Variants in SENP7 observed in about 807,000 individuals in gnomAD.
SENP7 encodes the protein SUMO specific peptidase 7.
Under a neutral mutation model 141.2 loss-of-function variants are expected in SENP7, and 64 were observed. That is an observed-to-expected ratio of 0.45 (90% CI 0.37 to 0.56). The LOEUF is 0.56. Among genes scored for constraint, SENP7 ranks in the 20% least tolerant of loss-of-function variants. The probability of loss-of-function intolerance (pLI) is 0.00; values close to 1 mark genes in which losing one functional copy is unlikely to be tolerated. For synonymous variants in SENP7, 382 were observed against 426.4 expected (o/e 0.90, Z 1.28); for missense variants, 1,025 against 1,212.2 (o/e 0.85, Z 2.29).
intron 12 of SENP7, among the ~76,000 whole-genome samples, chr3:101,350,781 A>C (rs2059593771): frequency 6.6e-6 from 1 of 151,994 alleles, no homozygotes; most frequent in Non-Finnish European, 1.5e-5. Context: ...TCTTCTACAG[A>C]ACAAATATTA....
intron 16 of SENP7, among the ~76,000 whole-genome samples, chr3:101,337,911 T>C (rs1180728175): frequency 6.6e-6 from 1 of 151,978 alleles, no homozygotes; most frequent in Non-Finnish European, 1.5e-5. Context: ...TCCAAGCACT[T>C]TGGGAGGCCG....
chr3:101,510,496 C>T (rs1438667797), intron 1 of SENP7, among the ~76,000 whole-genome samples: 1 of 152,148 alleles, frequency 6.6e-6, no homozygotes, highest in Non-Finnish European at 1.5e-5. Context: ...CTTCCTTCTA[C>T]CTCTTCTTCC....
chr3:101,477,048 T>C (rs1014087223), intron 3 of SENP7, among the ~76,000 whole-genome samples: 13 of 152,218 alleles, frequency 8.5e-5, no homozygotes, highest in African/African-American at 3.1e-4. Context: ...ATTCTGTAGG[T>C]TGCCTATTCA....
intron 6 of SENP7, among the ~76,000 whole-genome samples, chr3:101,397,241 C>G (rs1327162241): frequency 6.6e-6 from 1 of 152,208 alleles, no homozygotes; most frequent in Non-Finnish European, 1.5e-5. Flanking sequence ...AAGCGATCCT[C>G]CCACCTCAGC....
chr3:101,352,405 C>T (rs1252015842), intron 11 of SENP7, among the ~76,000 whole-genome samples: 4 of 152,056 alleles, frequency 2.6e-5, no homozygotes, highest in African/African-American at 9.6e-5. Context: ...CCACCGTCTT[C>T]ATTCCTAGCA....
chr3:101,457,066 T>C (rs1370401582), intron 4 of SENP7, among the ~76,000 whole-genome samples: 1 of 152,194 alleles, frequency 6.6e-6, no homozygotes, highest in Non-Finnish European at 1.5e-5. Context: ...AAAGAATGAA[T>C]TGTGTATAAG....
intron 3 of SENP7, among the ~76,000 whole-genome samples, chr3:101,479,892 CAAAAAAAAA>C (rs1168285268): frequency 9.7e-3 from 71 of 7,342 alleles, no homozygotes; most frequent in Non-Finnish European, 8.1e-3. Context: ...ACAACAGCTA[CAAAAAAAAA>C]AAAAAAAAAA....
intron 3 of SENP7, among the ~76,000 whole-genome samples, chr3:101,466,402 A>G (rs1256229904): frequency 6.6e-6 from 1 of 152,240 alleles, no homozygotes; most frequent in Non-Finnish European, 1.5e-5. Context: ...AATCCCCATA[A>G]GATTAAAAAC....
At chr3:101,444,482 G>C (rs1256033627) in intron 4 of SENP7, among the ~76,000 whole-genome samples, 1 of 151,862 alleles carries the variant, frequency 6.6e-6, no homozygotes, top group Admixed American at 6.6e-5. Flanking sequence ...GCAAAGACTT[G>C]GAACCAACCC....
At chr3:101,497,546 G>T (rs1447630560) in intron 2 of SENP7, among the ~76,000 whole-genome samples, 2 of 151,822 alleles carry the variant, frequency 1.3e-5, no homozygotes, top group Non-Finnish European at 2.9e-5. Context: ...CACGTCACAA[G>T]GGTACAGCCA....
At chr3:101,419,523 C>T (rs2061724164) in intron 4 of SENP7, among the ~76,000 whole-genome samples, 1 of 152,078 alleles carries the variant, frequency 6.6e-6, no homozygotes, top group Non-Finnish European at 1.5e-5. Flanking sequence ...AACCAGAATA[C>T]AGTGGGATCA....
chr3:101,359,204 C>G (rs1417070155), intron 11 of SENP7: 2 of 151,570 alleles, frequency 1.3e-5, no homozygotes, highest in East Asian at 3.9e-4. Context: ...GTGCTTACAC[C>G]TTATTTCACA....
At chr3:101,429,618 A>G (rs1261295046) in intron 4 of SENP7, among the ~76,000 whole-genome samples, 2 of 152,186 alleles carry the variant, frequency 1.3e-5, no homozygotes, top group African/African-American at 4.8e-5. Context: ...CTAAATATAC[A>G]ATCATGCCAT....
At chr3:101,411,505 C>T (rs2061457633) in intron 5 of SENP7, among the ~76,000 whole-genome samples, 2 of 152,110 alleles carry the variant, frequency 1.3e-5, no homozygotes, top group South Asian at 4.1e-4. Context: ...AGTTTGGGTA[C>T]CCTGAGGAAA....
chr3:101,438,824 G>C (rs371494080), intron 4 of SENP7, among the ~76,000 whole-genome samples: 3 of 152,058 alleles, frequency 2.0e-5, no homozygotes, highest in Non-Finnish European at 4.4e-5. Context: ...CTTTGCCGCC[G>C]CGCCGGCGAG....
chr3:101,409,875 G>A (rs982651753), intron 5 of SENP7, among the ~76,000 whole-genome samples: 2 of 152,148 alleles, frequency 1.3e-5, no homozygotes, highest in Non-Finnish European at 2.9e-5. Flanking sequence ...CATTGGCTTA[G>A]GCAAGGATTT....
At chr3:101,426,830 C>T (rs578140774) in intron 4 of SENP7, among the ~76,000 whole-genome samples, 1 of 152,234 alleles carries the variant, frequency 6.6e-6, no homozygotes, top group East Asian at 1.9e-4. Context: ...TTGATTACCA[C>T]ACGACCTGCC....
intron 6 of SENP7, among the ~76,000 whole-genome samples, chr3:101,380,445 C>CCCCAACA (rs58844573): frequency 7.8e-6 from 1 of 128,826 alleles, no homozygotes; most frequent in Non-Finnish European, 1.7e-5. Context: ...GCCCCCCCCC[C>CCCCAACA]CACACACACA....
intron 5 of SENP7, among the ~76,000 whole-genome samples, chr3:101,409,203 A>G (rs931472093): frequency 6.6e-6 from 1 of 152,166 alleles, no homozygotes; most frequent in Admixed American, 6.5e-5. Flanking sequence ...AAATAAAAAT[A>G]AAATACTTAG....
Sources: allele counts gnomAD v4.1 joint callset (sites outside exome capture counted in the v4.1 genomes callset), GRCh38; gene constraint gnomAD v4.1.1; transcripts MANE v1.5; gene names NCBI Gene and HGNC (gene_info 2026-07-23, HGNC 2026-07-21).